ABCA12: variants seen among roughly 807,000 people sequenced by gnomAD.
The protein encoded by ABCA12 is ATP binding cassette subfamily A member 12, also known as glucosylceramide transporter ABCA12.
Under a neutral mutation model 293.5 loss-of-function variants are expected in ABCA12, and 156 were observed. That is an observed-to-expected ratio of 0.53 (90% CI 0.47 to 0.61). The LOEUF (loss-of-function observed/expected upper bound fraction) is 0.61, where lower values mean the gene tolerates loss of function less well. Among genes scored for constraint, ABCA12 ranks in the 20% least tolerant of loss-of-function variants. The probability of loss-of-function intolerance (pLI) is 0.00; values close to 1 mark genes in which losing one functional copy is unlikely to be tolerated. For missense variants in ABCA12, 2,797 were observed against 3,090.2 expected, an observed-to-expected ratio of 0.91 and a Z score of 2.25; for synonymous variants, 1,063 against 1,108.0, an observed-to-expected ratio of 0.96 and a Z score of 0.81.
chr2:214,975,294 A>C (rs897484549), intron 34 of ABCA12, among the ~76,000 whole-genome samples: 1 of 152,178 alleles, frequency 6.6e-6, no homozygotes, highest in African/African-American at 2.4e-5. Context: ...AAGAAATCTG[A>C]AAAAAGACAC....
At chr2:215,040,811 CA>C (rs1701084096) in intron 7 of ABCA12, among the ~76,000 whole-genome samples, 1 of 147,884 alleles carries the variant, frequency 6.8e-6, no homozygotes, top group South Asian at 2.1e-4. Context: ...GACTCCGTCT[CA>C]AAAAACAAAC....
chr2:215,075,839 A>G (rs1002944952), intron 2 of ABCA12: 8 of 413,158 alleles, frequency 1.9e-5, no homozygotes, highest in Admixed American at 1.7e-4. Flanking sequence ...GTGTAAAACT[A>G]AAAGCCAGTG....
In ABCA12 at chr2:214,951,016, C is replaced by A. The variant is rs1369515008; in HGVS notation, c.6715G>T (p.Ala2239Ser). 5.0e-6 allele frequency: 8 copies of A among 1,614,092 alleles called. No homozygotes were observed. The highest frequency in any genetic ancestry group is 6.8e-6 in the Non-Finnish European group (8 of 1,180,000). The change falls in exon 45 of 53, where the codon GCT becomes TCT. Residue 2239 changes from alanine (A) to serine (S), a missense_variant. Ala to Ser is a moderately conservative substitution (Grantham distance 99). Coordinates refer to ENST00000272895, the MANE Select transcript of ABCA12 (RefSeq NM_173076.3). ...ETIDEDEDVR[A>S]ERLRVESGAA... ...CCACTCTCAACTCTTAATCTCTCAG[C>A]CCGCACATCTTCATCCTCATCTATT...
At chr2:215,034,907 A>T (rs973117319) in intron 8 of ABCA12, among the ~76,000 whole-genome samples, 1 of 152,210 alleles carries the variant, frequency 6.6e-6, no homozygotes, top group Admixed American at 6.5e-5. Context: ...GAGAGAATCC[A>T]AGCAACTCTG....
intron 51 of ABCA12, among the ~76,000 whole-genome samples, chr2:214,936,531 T>C (rs189342292): frequency 1.2e-4 from 19 of 152,352 alleles, no homozygotes; most frequent in African/African-American, 4.1e-4. Context: ...CTTCTACAAA[T>C]TGCCTGTATA....
chr2:215,080,264 A>G (rs962963494), intron 2 of ABCA12, among the ~76,000 whole-genome samples: 3 of 152,140 alleles, frequency 2.0e-5, no homozygotes, highest in Admixed American at 1.3e-4. Context: ...TTGGAAGGCC[A>G]AGGCAGGTGG....
intron 1 of ABCA12, among the ~76,000 whole-genome samples, chr2:215,134,597 CTCTATA>C (rs1169671673): frequency 7.2e-5 from 6 of 82,988 alleles, no homozygotes; most frequent in African/African-American, 5.1e-4. Flanking sequence ...CTCTCTCTCT[CTCTATA>C]TATATATATA....
intron 8 of ABCA12, among the ~76,000 whole-genome samples, chr2:215,033,113 T>G (rs1029404014): frequency 1.3e-5 from 2 of 152,224 alleles, no homozygotes; most frequent in African/African-American, 4.8e-5. Context: ...TTCTGTGCTC[T>G]GTTCACGATG....
chr2:215,019,657 G>T lies in ABCA12; in HGVS notation c.1427C>A (p.Ala476Glu), dbSNP rs370640837. 1 of 1,613,936 alleles carries T rather than the reference G, an allele frequency of 6.2e-7. No individual in the cohort carries two copies. The highest frequency in any genetic ancestry group is 1.7e-5 in the Admixed American group (1 of 59,982). Residue 476 changes from alanine to glutamate, a missense_variant, in exon 12 of 53, where the codon GCG becomes GAG. By Grantham distance (107) the Ala-to-Glu change is moderately radical. Transcript: ENST00000272895. The stretch of plus-strand genomic sequence containing the variant: ...TGCTATTTCGGTGCCCAGCTCTGCC[G>T]CTTCGAGGAGTTGCAGATCAAACTC... ...ESEFDLQLLE[A>E]AELGTEIAAS...
At chr2:214,977,880 C>T (rs1322025350) in intron 33 of ABCA12, among the ~76,000 whole-genome samples, 1 of 140,262 alleles carries the variant, frequency 7.1e-6, no homozygotes, top group Non-Finnish European at 1.5e-5. Context: ...CTTTTTTTTC[C>T]TTTTTTTTTT....
At chr2:215,116,879 G>A (rs1702697596) in intron 1 of ABCA12, among the ~76,000 whole-genome samples, 1 of 152,152 alleles carries the variant, frequency 6.6e-6, no homozygotes, top group Non-Finnish European at 1.5e-5. Flanking sequence ...GGTCATGAAA[G>A]TCAAGGAAAA....
At chr2:215,048,540 CAAA>C (rs61442339) in intron 6 of ABCA12, among the ~76,000 whole-genome samples, 11 of 143,930 alleles carry the variant, frequency 7.6e-5, no homozygotes, top group African/African-American at 2.5e-4. Context: ...ACTAATAATA[CAAA>C]AAAAAAAAAA....
chr2:214,932,427 A>T lies in ABCA12; in HGVS notation c.*207T>A, dbSNP rs1574915312. ...ATGCTCACAGTGTTGAGTATACAGG[A>T]ATTCATTTCAGTAGCAACAACACTC... On this transcript the variant is annotated 3_prime_UTR_variant, in exon 53 of 53. Transcript: ENST00000272895. 1 of 576,940 alleles carries T rather than the reference A, an allele frequency of 1.7e-6. No homozygotes were observed. Among genetic ancestry groups the T allele is most frequent in the Non-Finnish European group, 3.1e-6 (1 of 322,974 alleles). 35.7% of individuals were successfully genotyped at this position (576,940 alleles called of 1,614,324 possible). A position where few individuals can be genotyped will look rare whatever the true frequency, so the allele number is the denominator to read the frequency against.
At chr2:214,941,451 G>A (rs185965557) in intron 50 of ABCA12, among the ~76,000 whole-genome samples, 25 of 152,302 alleles carry the variant, frequency 1.6e-4, no homozygotes, top group Admixed American at 1.4e-3. Flanking sequence ...GAGTTCTATA[G>A]ATGTCTATTA....
intron 9 of ABCA12, among the ~76,000 whole-genome samples, chr2:215,028,118 T>C (rs6720714): frequency 0.9 from 136,994 of 152,290 alleles, 62,292 homozygotes; most frequent in Non-Finnish European, 0.96. Context: ...GGATCATCTG[T>C]TTTGAATCAA....
chr2:215,064,569 T>G (rs1056951452), intron 2 of ABCA12, among the ~76,000 whole-genome samples: 1 of 152,006 alleles, frequency 6.6e-6, no homozygotes, highest in South Asian at 2.1e-4. Context: ...ATCCACATGA[T>G]AAAACACAAA....
At chr2:215,135,122 C>G (rs569983573) in intron 1 of ABCA12, among the ~76,000 whole-genome samples, 1 of 152,050 alleles carries the variant, frequency 6.6e-6, no homozygotes, top group Non-Finnish European at 1.5e-5. Context: ...GCCATCCCAC[C>G]CAGCTAATTT....
chr2:215,116,430 T>C (rs1702687535), intron 1 of ABCA12, among the ~76,000 whole-genome samples: 1 of 152,186 alleles, frequency 6.6e-6, no homozygotes, highest in Non-Finnish European at 1.5e-5. Flanking sequence ...CTTGCTTGCT[T>C]GATTGATATA....
At chr2:215,033,877 C>G (rs983383101) in intron 8 of ABCA12, among the ~76,000 whole-genome samples, 3 of 151,734 alleles carry the variant, frequency 2.0e-5, no homozygotes, top group Admixed American at 6.6e-5. Flanking sequence ...GGAGGTGGAG[C>G]TTGCAGTGAG....
Sources: allele counts gnomAD v4.1 joint callset (sites outside exome capture counted in the v4.1 genomes callset), GRCh38; gene constraint gnomAD v4.1.1; transcripts MANE v1.5; gene names NCBI Gene and HGNC (gene_info 2026-07-23, HGNC 2026-07-21).